TRANK1: variants seen among roughly 807,000 people sequenced by gnomAD.
TRANK1 encodes tetratricopeptide repeat and ankyrin repeat containing 1.
In TRANK1, 198 loss-of-function variants were observed where a neutral mutation model predicts 266.0. The ratio of observed to expected loss-of-function variants is 0.74; its 90% confidence interval spans 0.66 to 0.84. The LOEUF (loss-of-function observed/expected upper bound fraction) is 0.84, where lower values mean the gene tolerates loss of function less well. TRANK1 is among the 40% of genes least tolerant of loss of function. The pLI, the probability that TRANK1 is intolerant of heterozygous loss-of-function variation, is 0.00. For synonymous variants in TRANK1, 1,396 were observed against 1,384.1 expected (o/e 1.01, Z -0.19); for missense variants, 3,326 against 3,634.6 (o/e 0.92, Z 2.18).
In TRANK1 at chr3:36,831,765, C is replaced by A. The variant is rs779623996; in HGVS notation, c.7818G>T (p.Gln2606His). ...CCACCTTCAGGAGCCTCTCGGGAACCTGGCCAGGGCAGTCCATGCTCATGA... is the reference window on the plus strand; with the variant it reads ...CCACCTTCAGGAGCCTCTCGGGAACATGGCCAGGGCAGTCCATGCTCATGA... ...LQLMSMDCPG[Q>H]VPERLLKVVK... The change falls in exon 22 of 24, where the codon CAG (glutamine) becomes CAT (histidine). Residue 2606 changes from glutamine (Q) to histidine (H), a missense_variant. Transcript: ENST00000645898. The surrounding 1 kb of genome is among the most constrained non-coding windows in gnomAD (Gnocchi z 5.0). The A allele has an allele frequency of 1.2e-6, 2 of 1,613,970 alleles. No individual in the cohort carries two copies. The highest frequency in any genetic ancestry group is 1.7e-6 in the Non-Finnish European group (2 of 1,179,894).
In TRANK1 at chr3:36,856,875, G is replaced by A. The variant is rs747486249; in HGVS notation, c.2847C>T (p.Cys949=). 2 of 1,614,016 alleles carry A rather than the reference G, an allele frequency of 1.2e-6. No homozygotes were observed. Among genetic ancestry groups the A allele is most frequent in the Admixed American group, 1.7e-5 (1 of 60,026 alleles). The change falls in exon 13 of 24, where the codon TGC becomes TGT. Residue 949 remains cysteine (C), a synonymous_variant. Coordinates refer to ENST00000645898, the MANE Select transcript of TRANK1 (RefSeq NM_001329998.2). ...IRIWDIVLDH[C]KLADSIKAIC... ...TGGCCTTGATGGAATCAGCCAGTTTGCAGTGATCTAAGACGATGTCCCAAA... is the reference window on the plus strand; with the variant it reads ...TGGCCTTGATGGAATCAGCCAGTTTACAGTGATCTAAGACGATGTCCCAAA...
In TRANK1 at chr3:36,903,167, C is replaced by G; in HGVS notation, c.264G>C (p.Trp88Cys). ...CCCATACCTTCACGTAGGTTGGATC[C>G]CATTGGAGACATTCCTTGGCAGCAA... is the stretch of plus-strand genomic sequence containing the variant. ...AFVAAKECLQ[W>C]DPTYVKGYYR... is the part of the protein sequence containing the mutation. Residue 88 changes from tryptophan to cysteine, a missense_variant, in exon 3 of 24, where the codon TGG (tryptophan) becomes TGC (cysteine). Trp to Cys is a radical substitution (Grantham distance 215, BLOSUM62 -2). Transcript: ENST00000645898. 1 of 1,537,322 alleles carries G rather than the reference C, an allele frequency of 6.5e-7. No homozygotes were observed. The highest frequency in any genetic ancestry group is 8.7e-7 in the Non-Finnish European group (1 of 1,146,916).
chr3:36,892,778 C>T, intron 6 of TRANK1, 123 bp downstream of exon 6: 1 of 281,796 alleles, frequency 3.5e-6, no homozygotes, highest in Non-Finnish European at 6.0e-6. Context: ...TTACAGTGAG[C>T]TATCATGCCA....
intron 13 of TRANK1, among the ~76,000 whole-genome samples, chr3:36,853,334 C>A (rs1296353773): frequency 6.6e-6 from 1 of 152,152 alleles, no homozygotes; most frequent in Non-Finnish European, 1.5e-5. Context: ...TTTCAAACAC[C>A]AGATAGAATA....
At chr3:36,877,251 T>C (rs1329077914) in intron 8 of TRANK1, among the ~76,000 whole-genome samples, 1 of 152,224 alleles carries the variant, frequency 6.6e-6, no homozygotes, top group East Asian at 1.9e-4. Flanking sequence ...CGCTTTTACT[T>C]GTACATCATA....
intron 3 of TRANK1, among the ~76,000 whole-genome samples, chr3:36,900,086 C>G (rs1323954498): frequency 2.6e-5 from 4 of 152,188 alleles, no homozygotes; most frequent in African/African-American, 9.7e-5. Flanking sequence ...TCTTGAACTC[C>G]TGGCCTCAAG....
At chr3:36,926,283 T>C (rs2080287336) in intron 1 of TRANK1, among the ~76,000 whole-genome samples, 1 of 152,212 alleles carries the variant, frequency 6.6e-6, no homozygotes. Flanking sequence ...GCATCCACTC[T>C]ACTCAGTAAC....
intron 18 of TRANK1, among the ~76,000 whole-genome samples, chr3:36,840,021 G>A (rs2078822105): frequency 6.6e-6 from 1 of 152,126 alleles, no homozygotes. Context: ...ATCTGTGCCA[G>A]TTCCCCTAAA....
Position 36,834,917 on chromosome 3 carries a change from A to G in TRANK1, c.5518-10T>C, listed in dbSNP as rs760423660. The G allele has an allele frequency of 6.3e-7, 1 of 1,593,032 alleles. No homozygotes were observed. The highest frequency in any genetic ancestry group is 8.5e-7 in the Non-Finnish European group (1 of 1,172,444). ...AGGCAGCATCTCTTATCTAGGATGGAGTAAATTTTACTTTTATTTAGAGTA... is the reference window on the plus strand; with the variant it reads ...AGGCAGCATCTCTTATCTAGGATGGGGTAAATTTTACTTTTATTTAGAGTA... On this transcript the variant is annotated splice_polypyrimidine_tract_variant and intron_variant, in intron 20 of 23. Coordinates refer to ENST00000645898, the MANE Select transcript of TRANK1 (RefSeq NM_001329998.2).
Position 36,908,466 on chromosome 3 carries a change from C to G in TRANK1, c.24-12G>C, listed in dbSNP as rs1353382125. 1 of 1,232,042 alleles carries G rather than the reference C, an allele frequency of 8.1e-7. No individual in the cohort carries two copies. Among genetic ancestry groups the G allele is most frequent in the Non-Finnish European group, 1.0e-6 (1 of 987,992 alleles). 76.3% of individuals were successfully genotyped at this position (1,232,042 alleles called of 1,614,324 possible). Reference sequence around the variant, plus strand: ...CTGTCAGGTCCATCCTGTGAGGAGACGGGGGAGACGCTTGCTGCCAGACCC... The same window carrying G: ...CTGTCAGGTCCATCCTGTGAGGAGAGGGGGGAGACGCTTGCTGCCAGACCC... On this transcript the variant is annotated splice_polypyrimidine_tract_variant and intron_variant, in intron 1 of 23. Coordinates refer to ENST00000645898, the MANE Select transcript of TRANK1 (RefSeq NM_001329998.2).
At chr3:36,893,030 A>T in intron 5 of TRANK1, 46 bp from the exon 6 acceptor site, 1 of 1,173,186 alleles carries the variant, frequency 8.5e-7, no homozygotes, top group Non-Finnish European at 1.1e-6. Flanking sequence ...TGTTCTCCAC[A>T]TAGGTTATTA....
chr3:36,876,502 C>T (rs1415394115), intron 8 of TRANK1, among the ~76,000 whole-genome samples: 2 of 152,218 alleles, frequency 1.3e-5, no homozygotes, highest in African/African-American at 4.8e-5. Context: ...TCCTCTTTGA[C>T]TGAGATTGAC....
At chr3:36,860,264 G>A (rs185460049) in intron 11 of TRANK1, among the ~76,000 whole-genome samples, 9 of 152,264 alleles carry the variant, frequency 5.9e-5, no homozygotes, top group Non-Finnish European at 7.4e-5. Flanking sequence ...GTCATAAATG[G>A]CATGTCCAAT....
Position 36,857,737 on chromosome 3 carries a change from G to A in TRANK1, c.1985C>T (p.Ala662Val), listed in dbSNP as rs376763386. Residue 662 changes from alanine to valine, a missense_variant, in exon 13 of 24, where the codon GCC becomes GTC. Ala to Val is a moderately conservative substitution (Grantham distance 64, BLOSUM62 0). Transcript: ENST00000645898. The surrounding 1 kb of genome is among the most constrained non-coding windows in gnomAD (Gnocchi z 4.3). ...NRRRSRQDSA[A>V]HLGKLSKSTA... ...GGACTTTGAGAGCTTCCCCAGGTGG[G>A]CAGCAGAGTCCTGCCGGCTCCTCCT... The A allele has an allele frequency of 6.2e-7, 1 of 1,613,866 alleles. No homozygotes were observed. The highest frequency in any genetic ancestry group is 8.5e-7 in the Non-Finnish European group (1 of 1,179,912).
chr3:36,883,160 G>A (rs941023541), intron 8 of TRANK1, among the ~76,000 whole-genome samples: 1 of 152,058 alleles, frequency 6.6e-6, no homozygotes, highest in Non-Finnish European at 1.5e-5. Flanking sequence ...AAAAAATCAG[G>A]CAAGGTGCAA....
Position 36,832,712 on chromosome 3 carries a change from C to G in TRANK1, c.6871G>C (p.Glu2291Gln). ...GATTTGTAATTTGGTTTGAGGATTTCTTTGCATGCCATGGGGTTTTCTGAC... is the reference window on the plus strand; with the variant it reads ...GATTTGTAATTTGGTTTGAGGATTTGTTTGCATGCCATGGGGTTTTCTGAC... Reference protein sequence around the residue: ...VLSENPMACKEILKPNYKSFR... With the variant: ...VLSENPMACKQILKPNYKSFR... Residue 2291 changes from glutamate (E) to glutamine (Q), a missense_variant, in exon 22 of 24, where the codon GAA becomes CAA. Coordinates refer to ENST00000645898, the MANE Select transcript of TRANK1 (RefSeq NM_001329998.2). 1 of 1,614,026 alleles carries G rather than the reference C, an allele frequency of 6.2e-7. No homozygotes were observed. Among genetic ancestry groups the G allele is most frequent in the Non-Finnish European group, 8.5e-7 (1 of 1,179,898 alleles).
chr3:36,831,511 T>C lies in TRANK1; in HGVS notation c.8072A>G (p.Gln2691Arg), dbSNP rs1183410238. The change falls in exon 22 of 24, where the codon CAG becomes CGG. Residue 2691 changes from glutamine (Q) to arginine (R), a missense_variant. Transcript: ENST00000645898. This position sits in a 1 kb window ranked among gnomAD's most constrained non-coding sequence, Gnocchi z 5.0. ...YFAEPECEFG[Q>R]DEMDELALED... is the part of the protein sequence containing the mutation. The stretch of plus-strand genomic sequence containing the variant: ...TAATGCCAGTTCATCCATCTCATCC[T>C]GGCCAAACTCACACTCAGGTTCAGC... 4 of 1,613,390 alleles carry C rather than the reference T, an allele frequency of 2.5e-6. No homozygotes were observed. The highest frequency in any genetic ancestry group is 2.2e-5 in the South Asian group (2 of 90,918).
At chr3:36,903,707 G>T (rs985728207) in intron 2 of TRANK1, among the ~76,000 whole-genome samples, 2 of 152,226 alleles carry the variant, frequency 1.3e-5, no homozygotes, top group African/African-American at 2.4e-5. Flanking sequence ...GGGTGAGTAC[G>T]GCCCTGGCCC....
intron 8 of TRANK1, among the ~76,000 whole-genome samples, chr3:36,879,227 T>C (rs1444237961): frequency 6.6e-6 from 1 of 151,668 alleles, no homozygotes; most frequent in Non-Finnish European, 1.5e-5. Context: ...ACAACCAGAA[T>C]GATCCTTAGG....
Sources: allele counts gnomAD v4.1 joint callset (sites outside exome capture counted in the v4.1 genomes callset), GRCh38; gene constraint gnomAD v4.1.1; non-coding constraint Gnocchi (gnomAD v3.1); transcripts MANE v1.5; gene names NCBI Gene and HGNC (gene_info 2026-07-23, HGNC 2026-07-21).